SEMA6A: variants seen among roughly 807,000 people sequenced by gnomAD.
The protein encoded by SEMA6A is semaphorin 6A.
Under a neutral mutation model 96.8 loss-of-function variants are expected in SEMA6A, and 25 were observed. The ratio of observed to expected loss-of-function variants is 0.26; its 90% CI spans 0.19 to 0.36. SEMA6A has a LOEUF of 0.36. Among genes scored for constraint, SEMA6A ranks in the 10% least tolerant of loss-of-function variants. The pLI is 1.00. For synonymous variants in SEMA6A, 612 were observed against 518.0 expected (o/e 1.18, Z -2.46); for missense variants, 1,363 against 1,323.1 (o/e 1.03, Z -0.47).
chr5:116,447,492 C>T lies in SEMA6A; in HGVS notation c.2214G>A (p.Thr738=), dbSNP rs761077573. ...GGTCTGCTTTAATGAGCATCTTGGC[C>T]GTGTTGCCGGGAGTGGCGAGCTTGC... ...HNGKLATPGN[T]AKMLIKADQH... The change falls in exon 19 of 19, where the codon ACG becomes ACA. Residue 738 remains threonine, a synonymous_variant. Transcript: ENST00000343348. The T allele has an allele frequency of 4.3e-6, 7 of 1,614,056 alleles. No individual in the cohort carries two copies. The highest frequency in any genetic ancestry group is 5.9e-6 in the Non-Finnish European group (7 of 1,179,910).
intron 6 of SEMA6A, among the ~76,000 whole-genome samples, 163 bp downstream of exon 6, chr5:116,495,250 A>C (rs927052095): frequency 1.3e-5 from 2 of 152,234 alleles, no homozygotes; most frequent in African/African-American, 4.8e-5. Flanking sequence ...GGAAGCTTAG[A>C]AGCCTGCTTA....
At chr5:116,468,943 A>G (rs1229012194) in intron 17 of SEMA6A, 2 of 142,896 alleles carry the variant, frequency 1.4e-5, no homozygotes, top group African/African-American at 2.5e-5. Flanking sequence ...AAGAATAAGT[A>G]CAGTGCATTC....
At chr5:116,463,092 G>C (rs1003845969) in intron 18 of SEMA6A, among the ~76,000 whole-genome samples, 2 of 152,174 alleles carry the variant, frequency 1.3e-5, no homozygotes, top group African/African-American at 4.8e-5. Context: ...CCAGTTGGAA[G>C]ACAAAGCCCC....
At chr5:116,449,306 A>C (rs1317733115) in intron 18 of SEMA6A, 1 of 702,452 alleles carries the variant, frequency 1.4e-6, no homozygotes, top group Non-Finnish European at 2.6e-6. Context: ...ATAGCAAGAC[A>C]GAAAAGGTAC....
At chr5:116,552,671 G>A (rs78007684) in intron 1 of SEMA6A, among the ~76,000 whole-genome samples, 4,605 of 152,214 alleles carry the variant, frequency 0.03, 215 homozygotes, top group African/African-American at 0.11. Context: ...CTGGCAGGAA[G>A]GTTCAAAACC....
chr5:116,565,053 A>G (rs907378778), intron 1 of SEMA6A, among the ~76,000 whole-genome samples: 1 of 152,232 alleles, frequency 6.6e-6, no homozygotes, highest in African/African-American at 2.4e-5. Context: ...CACATTTGTG[A>G]ATAGTCTTAA....
At chr5:116,497,781 A>T (rs1757671632) in intron 3 of SEMA6A, among the ~76,000 whole-genome samples, 1 of 152,016 alleles carries the variant, frequency 6.6e-6, no homozygotes, top group East Asian at 1.9e-4. Flanking sequence ...GGTATTCAAC[A>T]TGCCACATCT....
At chr5:116,488,071 T>G in intron 9 of SEMA6A, 37 bp downstream of exon 9, 2 of 1,354,106 alleles carry the variant, frequency 1.5e-6, no homozygotes, top group Non-Finnish European at 1.0e-6. Flanking sequence ...TTTCTGAAAA[T>G]GTTACAAACT....
At chr5:116,520,125 C>T (rs750229308) in intron 1 of SEMA6A, among the ~76,000 whole-genome samples, 1 of 152,132 alleles carries the variant, frequency 6.6e-6, no homozygotes, top group Non-Finnish European at 1.5e-5. Context: ...TTGCTTTCCT[C>T]AAATGCACAA....
chr5:116,497,198 C>CA, intron 4 of SEMA6A, 129 bp downstream of exon 4: 1 of 590,940 alleles, frequency 1.7e-6, no homozygotes, highest in Non-Finnish European at 3.0e-6. Flanking sequence ...ATTAGGATTT[C>CA]ACAAAATGCA....
Position 116,491,770 on chromosome 5 carries a change from C to G in SEMA6A, c.505G>C (p.Ala169Pro). 2 of 1,613,814 alleles carry G rather than the reference C, an allele frequency of 1.2e-6. No individual in the cohort carries two copies. Among genetic ancestry groups the G allele is most frequent in the Middle Eastern group, 1.6e-4 (1 of 6,062 alleles). The change falls in exon 7 of 19, where the codon GCC (alanine) becomes CCC (proline). Residue 169 changes from alanine (A) to proline (P), a missense_variant. Ala to Pro is a conservative substitution (Grantham distance 27). Around this residue, in one of 2 missense-constraint regions of SEMA6A, gnomAD observed 480 missense variants for 559.5 expected, o/e 0.86. Transcript: ENST00000343348. Reference protein sequence around the residue: ...FSGMARCPYDAKHANVALFAD... With the variant: ...FSGMARCPYDPKHANVALFAD... The stretch of plus-strand genomic sequence containing the variant: ...AACAGTGCAACGTTGGCATGTTTGG[C>G]ATCATATGGGCATCTGGCCATTCCG...
At chr5:116,482,099 C>T (rs2112700745) in intron 11 of SEMA6A, among the ~76,000 whole-genome samples, 1 of 152,206 alleles carries the variant, frequency 6.6e-6, no homozygotes, top group Middle Eastern at 3.4e-3. Flanking sequence ...CATAAAGAAG[C>T]AGCGGAAATC....
intron 1 of SEMA6A, among the ~76,000 whole-genome samples, chr5:116,570,990 G>A (rs956670333): frequency 2.0e-5 from 3 of 152,166 alleles, no homozygotes; most frequent in African/African-American, 7.2e-5. Context: ...ACTGCTATAT[G>A]TGTTTAATGT....
intron 1 of SEMA6A, among the ~76,000 whole-genome samples, chr5:116,535,025 A>T (rs1000235409): frequency 2.0e-5 from 3 of 152,262 alleles, no homozygotes; most frequent in African/African-American, 7.2e-5. Flanking sequence ...CCTGGGGAAG[A>T]AAAGCATTTA....
intron 1 of SEMA6A, among the ~76,000 whole-genome samples, chr5:116,524,775 C>CACACACACACACAGACACACACAG (rs1759134561): frequency 6.9e-6 from 1 of 145,588 alleles, no homozygotes; most frequent in Non-Finnish European, 1.5e-5. Context: ...TATGTATACA[C>CACACACACACACAGACACACACAG]ACACACACAC....
chr5:116,482,661 T>C, intron 10 of SEMA6A, 86 bp from the exon 11 acceptor site: 2 of 1,371,866 alleles, frequency 1.5e-6, no homozygotes, highest in South Asian at 1.3e-5. Context: ...ACTTTCCTGG[T>C]ACAGCAAATG....
chr5:116,534,173 G>C (rs772133280), intron 1 of SEMA6A, among the ~76,000 whole-genome samples: 1 of 152,144 alleles, frequency 6.6e-6, no homozygotes, highest in Non-Finnish European at 1.5e-5. Flanking sequence ...AAGGCAATCA[G>C]ACTATCTACT....
In SEMA6A at chr5:116,545,368, G is replaced by A. The variant is rs548371288; in HGVS notation, c.-39+28817C>T. Among the ~76,000 whole-genome samples the A allele has an allele frequency of 6.6e-5, 10 of 152,178 alleles. 1 individual carries two copies. In the East Asian group the frequency reaches 7.8e-4, roughly 12 times the overall value. On this transcript the variant is annotated intron_variant, in intron 1 of 18. Transcript: ENST00000343348. ...GCGGATCACCTGAGGTCAGGAGTTC[G>A]AGACAAGCCTGGCCAACATGGTCAA...
intron 1 of SEMA6A, among the ~76,000 whole-genome samples, chr5:116,540,194 C>T (rs1051915189): frequency 6.6e-6 from 1 of 152,142 alleles, no homozygotes; most frequent in Non-Finnish European, 1.5e-5. Flanking sequence ...CATGTAGTTA[C>T]ATATATAAAA....
Sources: gnomAD v4.1 joint callset for allele counts (sites outside exome capture counted in the v4.1 genomes callset) on GRCh38, gnomAD v4.1.1 for gene constraint, gnomAD v4.1.1 regional missense constraint, MANE v1.5 for transcripts, NCBI Gene and HGNC (gene_info 2026-07-23, HGNC 2026-07-21) for gene names.